The following UGT2B17 variants were observed in gnomAD, a reference collection of about 807,000 sequenced individuals.
The protein encoded by UGT2B17 is UDP-glucuronosyltransferase 2B17.
UGT2B17 carries 21 observed loss-of-function variants against 48.2 expected under a neutral mutation model. That is an observed-to-expected ratio of 0.44 (90% CI 0.31 to 0.63). UGT2B17 has a LOEUF of 0.63. Among genes scored for constraint, UGT2B17 ranks in the 20% least tolerant of loss-of-function variants. The pLI is 0.08. For missense variants in UGT2B17, 402 were observed against 696.1 expected, an observed-to-expected ratio of 0.58 and a Z score of 4.75; for synonymous variants, 146 against 238.4, an observed-to-expected ratio of 0.61 and a Z score of 3.57.
chr4:68,563,493 C>T (rs1233425748), intron 3 of UGT2B17, among the ~76,000 whole-genome samples: 1 of 126,012 alleles, frequency 7.9e-6, no homozygotes. Flanking sequence ...GCCTGTAATC[C>T]CAGCTACTTG....
intron 4 of UGT2B17, among the ~76,000 whole-genome samples, chr4:68,556,195 T>G (rs1231207639): frequency 8.0e-6 from 1 of 124,894 alleles, no homozygotes; most frequent in Non-Finnish European, 1.7e-5. Flanking sequence ...AAAAAAGCAC[T>G]TATGCACTAA....
In UGT2B17 at chr4:68,556,397, C is replaced by T. The variant is rs1234408860; in HGVS notation, c.1005+4140G>A. Among the ~76,000 whole-genome samples, 4 of 124,266 alleles carry T rather than the reference C, an allele frequency of 3.2e-5. No individual in the cohort carries two copies. In the Admixed American group the frequency reaches 3.3e-4, roughly 10 times the overall value. 81.5% of individuals were successfully genotyped at this position (124,266 alleles called of 152,430 possible). ...TTTCAACTCATGTAAGTTTTTTCCT[C>T]AAGTTCTGTTTGTTGTGGCATAATG... On this transcript the variant is annotated intron_variant, in intron 4 of 6. Transcript: ENST00000317746.
At chr4:68,564,238 A>G (rs1472528823) in intron 3 of UGT2B17, among the ~76,000 whole-genome samples, 2 of 118,062 alleles carry the variant, frequency 1.7e-5, no homozygotes, top group South Asian at 4.2e-4. Context: ...TCTTTTCAGT[A>G]GCTCTCCATT....
At chr4:68,560,803 A>G (rs1731089728) in intron 3 of UGT2B17, 135 bp from the exon 4 acceptor site, 2 of 1,020,750 alleles carry the variant, frequency 2.0e-6, no homozygotes, top group Non-Finnish European at 2.7e-6. Context: ...CTAATCATTC[A>G]GTTTCTTTGA....
rs960414396 is a variant in UGT2B17 at position 68,572,941 on chromosome 4, A to T, written c.-65+3010T>A. 2.9e-4 allele frequency among the ~76,000 whole-genome samples: 37 copies of T among 126,868 alleles called. 8 individuals are homozygous for T. The highest frequency in any genetic ancestry group is 9.5e-4 in the African/African-American group (35 of 36,996). 83.2% of individuals were successfully genotyped at this position (126,868 alleles called of 152,430 possible). On this transcript the variant is annotated intron_variant, in intron 1 of 6. Coordinates refer to ENST00000317746, the MANE Select transcript of UGT2B17 (RefSeq NM_001077.4). ...GCTCCCAGTCTACTGATGTACAGTT[A>T]TGTTTAACTGGGCTCTCTGATAATA...
rs1295582406 is a variant in UGT2B17 at position 68,570,157 on chromosome 4, GC to G, written c.-64-1610del. Among the ~76,000 whole-genome samples, 4 of 127,020 alleles carry G rather than the reference GC, an allele frequency of 3.1e-5. 2 individuals are homozygous for G. Among genetic ancestry groups the G allele is most frequent in the African/African-American group, 5.4e-5 (2 of 37,108 alleles). The allele number at this position is 127,020 out of a possible 152,430, so 83.3% of individuals were successfully genotyped here. A position where few individuals can be genotyped will look rare whatever the true frequency, so the allele number is the denominator to read the frequency against. On this transcript the variant is annotated intron_variant, in intron 1 of 6. Transcript: ENST00000317746. ...TTTATTCAGCTGGGAGCATCGGCAAGCTACTGCCTTAAAATCCAAGCTCCTC... is the reference window on the plus strand; with the variant it reads ...TTTATTCAGCTGGGAGCATCGGCAAGTACTGCCTTAAAATCCAAGCTCCTC...
Position 68,537,742 on chromosome 4 carries a change from CAA to C in UGT2B17, c.1474_1475del (p.Leu492GlyfsTer45). On this transcript the variant is annotated frameshift_variant, in exon 7 of 7. Coordinates refer to ENST00000317746, the MANE Select transcript of UGT2B17 (RefSeq NM_001077.4). LOFTEE classifies it low-confidence loss of function (END_TRUNC). Reference protein sequence around the residue: ...HNLTWIQYHSLDVIAFLLACV... With the variant: ...HNLTWIQYHSXDVIAFLLACV... ...AGGCCAGCAGGAATGCTATCACATC[CAA>C]AGAGTGGTACTGGATCCAGGTGAGG... The C allele has an allele frequency of 7.3e-7, 1 of 1,379,290 alleles. No individual in the cohort carries two copies. Among genetic ancestry groups the C allele is most frequent in the Non-Finnish European group, 9.5e-7 (1 of 1,054,904 alleles). The allele number at this position is 1,379,290 out of a possible 1,614,324, so 85.4% of individuals were successfully genotyped here.
rs1730568449 is a variant in UGT2B17 at position 68,537,176 on chromosome 4, T to C, written c.*449A>G. On this transcript the variant is annotated 3_prime_UTR_variant, in exon 7 of 7. Transcript: ENST00000317746. ...ATCTCAAAAGGAAGAGTGAGACTTT[T>C]TACATAATTTAATTATTGAAGATTT... 1 of 127,880 alleles carries C rather than the reference T, an allele frequency of 7.8e-6. No individual in the cohort carries two copies. Among genetic ancestry groups the C allele is most frequent in the African/African-American group, 2.7e-5 (1 of 37,128 alleles). 7.9% of individuals were successfully genotyped at this position (127,880 alleles called of 1,614,324 possible). A position where few individuals can be genotyped will look rare whatever the true frequency, so the allele number is the denominator to read the frequency against.
chr4:68,563,465 C>T (rs1408624373), intron 3 of UGT2B17, among the ~76,000 whole-genome samples: 1 of 126,182 alleles, frequency 7.9e-6, no homozygotes, highest in African/African-American at 2.7e-5. Context: ...CAAAAATTAT[C>T]CGGATGTGTT....
rs772600627 is a variant in UGT2B17 at position 68,542,637 on chromosome 4, C to T, written c.1314-4733G>A. On this transcript the variant is annotated intron_variant, in intron 6 of 6. Transcript: ENST00000317746. ...GCACCACGTGTGAGCCAAAGCATGGCGAGGCATTGCCTCATCAGGGAAGCA... is the reference window on the plus strand; with the variant it reads ...GCACCACGTGTGAGCCAAAGCATGGTGAGGCATTGCCTCATCAGGGAAGCA... Among the ~76,000 whole-genome samples the T allele has an allele frequency of 2.1e-4, 26 of 126,652 alleles. 6 individuals are homozygous for T. The highest frequency in any genetic ancestry group is 2.9e-4 in the Non-Finnish European group (17 of 59,622). The allele number at this position is 126,652 out of a possible 152,430, so 83.1% of individuals were successfully genotyped here. A position where few individuals can be genotyped will look rare whatever the true frequency, so the allele number is the denominator to read the frequency against.
At position 68,568,858 on chromosome 4, in the gene UGT2B17, A is replaced by G. The variant is rs1407049531; in HGVS notation, c.-64-310T>C. On this transcript the variant is annotated intron_variant, in intron 1 of 6. Transcript: ENST00000317746. ...TCTTCTAAAACTTTGTTGACACATA[A>G]TTCATATACCATATGACTCACCAAT... Among the ~76,000 whole-genome samples, 2 of 134,872 alleles carry G rather than the reference A, an allele frequency of 1.5e-5. 1 individual carries two copies. Among genetic ancestry groups the G allele is most frequent in the African/African-American group, 5.1e-5 (2 of 38,888 alleles). 88.5% of individuals were successfully genotyped at this position (134,872 alleles called of 152,430 possible). A position where few individuals can be genotyped will look rare whatever the true frequency, so the allele number is the denominator to read the frequency against.
rs1177710322 is a variant in UGT2B17, at chr4:68,559,211, T to G, written c.1005+1326A>C. On this transcript the variant is annotated intron_variant, in intron 4 of 6. Coordinates refer to ENST00000317746, the MANE Select transcript of UGT2B17 (RefSeq NM_001077.4). The stretch of plus-strand genomic sequence containing the variant: ...AAGTTATTTTATGAATTTGACATCA[T>G]TGATTACAAAAGACTAAATACTTAA... Among the ~76,000 whole-genome samples, 8 of 125,518 alleles carry G rather than the reference T, an allele frequency of 6.4e-5. 1 individual carries two copies. Among genetic ancestry groups the G allele is most frequent in the African/African-American group, 2.2e-4 (8 of 36,904 alleles). 82.3% of individuals were successfully genotyped at this position (125,518 alleles called of 152,430 possible).
At chr4:68,557,238 C>T (rs1415588858) in intron 4 of UGT2B17, among the ~76,000 whole-genome samples, 1 of 124,582 alleles carries the variant, frequency 8.0e-6, no homozygotes, top group Non-Finnish European at 1.7e-5. Context: ...CTGAGGCTGC[C>T]CTAAAACTTT....
Position 68,542,733 on chromosome 4 carries a change from C to T in UGT2B17, c.1314-4829G>A, listed in dbSNP as rs1414289925. Among the ~76,000 whole-genome samples the T allele has an allele frequency of 1.6e-5, 2 of 127,056 alleles. 1 individual carries two copies. The highest frequency in any genetic ancestry group is 3.3e-5 in the Non-Finnish European group (2 of 59,712). 83.4% of individuals were successfully genotyped at this position (127,056 alleles called of 152,430 possible). On this transcript the variant is annotated intron_variant, in intron 6 of 6. Coordinates refer to ENST00000317746, the MANE Select transcript of UGT2B17 (RefSeq NM_001077.4). ...AGATGGCACCTGGAAAATTGGGTTA[C>T]TCCCACCCTAATACTGCGCTTTTCC...
rs940763934 is a variant in UGT2B17 at position 68,550,449 on chromosome 4, AT to A, written c.1313+227del. 8.8e-5 allele frequency among the ~76,000 whole-genome samples: 11 copies of A among 124,954 alleles called. 3 individuals are homozygous for A. The highest frequency in any genetic ancestry group is 1.4e-4 in the Non-Finnish European group (8 of 59,212). The allele number at this position is 124,954 out of a possible 152,430, so 82.0% of individuals were successfully genotyped here. A position where few individuals can be genotyped will look rare whatever the true frequency, so the allele number is the denominator to read the frequency against. On this transcript the variant is annotated intron_variant, in intron 6 of 6. Transcript: ENST00000317746. ...TAAAATAATTATGTACATATCTTTA[AT>A]TTTTTTGATTTTATAATTCATTGCA...
At position 68,569,815 on chromosome 4, in the gene UGT2B17, T is replaced by G. The variant is rs185228346; in HGVS notation, c.-64-1267A>C. On this transcript the variant is annotated intron_variant, in intron 1 of 6. Coordinates refer to ENST00000317746, the MANE Select transcript of UGT2B17 (RefSeq NM_001077.4). ...ATAAAACCACTGTCCCATCCTCACT[T>G]GGGGCTGATGCCATTTTAGGCCTCA... 2.4e-3 allele frequency among the ~76,000 whole-genome samples: 305 copies of G among 126,594 alleles called. 52 individuals are homozygous for G. The highest frequency in any genetic ancestry group is 8.0e-3 in the African/African-American group (295 of 37,004). The allele number at this position is 126,594 out of a possible 152,430, so 83.1% of individuals were successfully genotyped here.
rs1424307425 is a variant in UGT2B17, at chr4:68,547,347, G to C, written c.1313+3330C>G. 7.9e-5 allele frequency among the ~76,000 whole-genome samples: 10 copies of C among 126,236 alleles called. 1 individual carries two copies. In the Admixed American group the frequency reaches 8.1e-4, roughly 10 times the overall value. The allele number at this position is 126,236 out of a possible 152,430, so 82.8% of individuals were successfully genotyped here. On this transcript the variant is annotated intron_variant, in intron 6 of 6. Transcript: ENST00000317746. ...GGAAAGGATTCCCTATTTAATAAAT[G>C]GTGCTAGGAAAACTGGCTAGCCATA... is the stretch of plus-strand genomic sequence containing the variant.
intron 4 of UGT2B17, among the ~76,000 whole-genome samples, chr4:68,556,131 G>T (rs1192315653): frequency 1.6e-5 from 2 of 123,796 alleles, no homozygotes; most frequent in African/African-American, 2.7e-5. Flanking sequence ...TGATCAAGTT[G>T]TCTATAATTA....
At chr4:68,563,635 C>G (rs1187814509) in intron 3 of UGT2B17, among the ~76,000 whole-genome samples, 1 of 126,262 alleles carries the variant, frequency 7.9e-6, no homozygotes. Context: ...TCCTTATTCT[C>G]CTATTCTCTT....
Sources: gnomAD v4.1 joint callset for allele counts (sites outside exome capture counted in the v4.1 genomes callset) on GRCh38, gnomAD v4.1.1 for gene constraint, MANE v1.5 for transcripts, NCBI Gene and HGNC (gene_info 2026-07-23, HGNC 2026-07-21) for gene names.